Variants in VAV1 observed in about 807,000 individuals in gnomAD.
VAV1 encodes proto-oncogene vav.
A neutral mutation model predicts 128.1 loss-of-function variants in VAV1; 33 were observed. The observed-to-expected ratio is 0.26, with a 90% CI of 0.20 to 0.34. VAV1 has a LOEUF of 0.34. Ranked by LOEUF, VAV1 falls within the 10% of genes least tolerant of loss-of-function variation. VAV1 has a pLI of 1.00. For missense variants in VAV1, 715 were observed against 1,093.7 expected (o/e 0.65, Z 4.88); for synonymous variants, 394 against 409.8 (o/e 0.96, Z 0.47).
chr19:6,805,786 A>G (rs1417826851), intron 1 of VAV1, among the ~76,000 whole-genome samples: 1 of 151,980 alleles, frequency 6.6e-6, no homozygotes, highest in Admixed American at 6.6e-5. Flanking sequence ...AATATTATAT[A>G]TAGTAATATT....
intron 1 of VAV1, among the ~76,000 whole-genome samples, chr19:6,818,045 C>A (rs1289050507): frequency 6.6e-6 from 1 of 152,184 alleles, no homozygotes; most frequent in South Asian, 2.1e-4. Flanking sequence ...ATTTTGAACA[C>A]CTAGGCTCAA....
At chr19:6,787,573 G>GATTTATATATTT (rs1970921634) in intron 1 of VAV1, among the ~76,000 whole-genome samples, 2 of 147,090 alleles carry the variant, frequency 1.4e-5, no homozygotes, top group Non-Finnish European at 3.0e-5. Context: ...AACTACTCCA[G>GATTTATATATTT]ATTTATTTAT....
In VAV1 at chr19:6,821,604, G is replaced by A; in HGVS notation, c.322-18G>A. The A allele has an allele frequency of 6.2e-7, 1 of 1,613,934 alleles. No individual in the cohort carries two copies. The highest frequency in any genetic ancestry group is 8.5e-7 in the Non-Finnish European group (1 of 1,179,956). On this transcript the variant is annotated intron_variant, in intron 2 of 26. Coordinates refer to ENST00000602142, the MANE Select transcript of VAV1 (RefSeq NM_005428.4). Reference sequence around the variant, plus strand: ...GGGTGTACAAGGGGCTCACTGAGTGGCCACTGCCCCGTCACAGGTCATCTA... The same window carrying A: ...GGGTGTACAAGGGGCTCACTGAGTGACCACTGCCCCGTCACAGGTCATCTA...
Position 6,839,912 on chromosome 19 carries a change from G to A in VAV1, c.1980+2862G>A, listed in dbSNP as rs568704277. On this transcript the variant is annotated intron_variant, in intron 21 of 26. Transcript: ENST00000602142. ...TTGCCATGTTGCCCAGGCTGGTTTC[G>A]AACTTCTGGGCCCAAGTGATTCCCC... 3.3e-5 allele frequency among the ~76,000 whole-genome samples: 5 copies of A among 151,664 alleles called. No individual in the cohort carries two copies. In the South Asian group the frequency reaches 8.3e-4, roughly 25 times the overall value.
intron 21 of VAV1, among the ~76,000 whole-genome samples, chr19:6,839,021 G>A (rs751242560): frequency 2.6e-5 from 4 of 151,984 alleles, no homozygotes; most frequent in Non-Finnish European, 4.4e-5. Flanking sequence ...TCCTGCCTTA[G>A]CCTCCTGAGT....
chr19:6,789,581 T>C (rs951460931), intron 1 of VAV1, among the ~76,000 whole-genome samples: 2 of 151,372 alleles, frequency 1.3e-5, no homozygotes, highest in African/African-American at 4.9e-5. Context: ...TGCTTTCTTT[T>C]CTTTTCTTTC....
intron 1 of VAV1, among the ~76,000 whole-genome samples, chr19:6,789,658 T>C (rs1414595020): frequency 1.3e-5 from 2 of 151,624 alleles, no homozygotes. Flanking sequence ...ACTACAGTGG[T>C]GTGATCTTGG....
In VAV1 at chr19:6,811,671, A is replaced by G. The variant is rs116832713; in HGVS notation, c.205-9031A>G. Among the ~76,000 whole-genome samples, 1,038 of 152,280 alleles carry G rather than the reference A, an allele frequency of 6.8e-3. 10 individuals carry two copies. Among genetic ancestry groups the G allele is most frequent in the African/African-American group, 0.024 (982 of 41,546 alleles). ...CAGTCCTTTATTCATCTCCCTGCAT[A>G]TAATTACTGTAAGAATCGGCAAGAG... On this transcript the variant is annotated intron_variant, in intron 1 of 26. Coordinates refer to ENST00000602142, the MANE Select transcript of VAV1 (RefSeq NM_005428.4).
At chr19:6,791,673 G>T (rs975009474) in intron 1 of VAV1, among the ~76,000 whole-genome samples, 1 of 152,108 alleles carries the variant, frequency 6.6e-6, no homozygotes, top group Non-Finnish European at 1.5e-5. Flanking sequence ...CTTTAGAGGG[G>T]GCCAGACCCA....
chr19:6,830,182 C>T, intron 14 of VAV1, among the ~76,000 whole-genome samples: 1 of 152,184 alleles, frequency 6.6e-6, no homozygotes, highest in East Asian at 1.9e-4. Flanking sequence ...GCTCAGTCTC[C>T]CGAGTAGCTG....
chr19:6,819,499 A>T (rs2144765720), intron 1 of VAV1, among the ~76,000 whole-genome samples: 1 of 152,352 alleles, frequency 6.6e-6, no homozygotes, highest in Admixed American at 6.5e-5. Flanking sequence ...TTCACTGAGC[A>T]TGTTTTTAAG....
At chr19:6,824,946 G>T in intron 6 of VAV1, 107 bp from the exon 7 acceptor site, 1 of 1,182,492 alleles carries the variant, frequency 8.5e-7, no homozygotes, top group South Asian at 1.2e-5. Context: ...GTGTGGACGC[G>T]CTGCCTCTCT....
At chr19:6,830,389 C>A (rs989873702) in intron 14 of VAV1, among the ~76,000 whole-genome samples, 1 of 152,004 alleles carries the variant, frequency 6.6e-6, no homozygotes, top group African/African-American at 2.4e-5. Flanking sequence ...CCAGGGCACT[C>A]TTCTAGGCAC....
In VAV1 at chr19:6,844,063, C is replaced by CTTTTTTTTTTTTTTTTTTTTTTTTTTTTT. The variant is rs71177123; in HGVS notation, c.2012+910_2012+938dup. 1.8e-3 allele frequency among the ~76,000 whole-genome samples: 38 copies of CTTTTTTTTTTTTTTTTTTTTTTTTTTTTT among 21,326 alleles called. 12 individuals are homozygous for CTTTTTTTTTTTTTTTTTTTTTTTTTTTTT. Among genetic ancestry groups the CTTTTTTTTTTTTTTTTTTTTTTTTTTTTT allele is most frequent in the African/African-American group, 2.5e-3 (20 of 8,152 alleles). The allele number at this position is 21,326 out of a possible 152,430, so 14.0% of individuals were successfully genotyped here. Reference sequence around the variant, plus strand: ...ACTTTCTTCTTTTCTTCTTCTTCTTCTTTTTTTTTTTTTTTTTTTTTTTTT... The same window carrying CTTTTTTTTTTTTTTTTTTTTTTTTTTTTT: ...ACTTTCTTCTTTTCTTCTTCTTCTTCTTTTTTTTTTTTTTTTTTTTTTTTTTTTTTTTTTTTTTTTTTTTTTTTTTTTTT... On this transcript the variant is annotated intron_variant, in intron 22 of 26. Transcript: ENST00000602142.
intron 1 of VAV1, among the ~76,000 whole-genome samples, chr19:6,804,940 G>T (rs527495754): frequency 6.6e-6 from 1 of 150,962 alleles, no homozygotes; most frequent in Non-Finnish European, 1.5e-5. Context: ...AGCCAGGATG[G>T]TCTCGATTGC....
intron 19 of VAV1, among the ~76,000 whole-genome samples, chr19:6,834,636 T>C (rs939808875): frequency 1.6e-4 from 23 of 146,624 alleles, no homozygotes; most frequent in Middle Eastern, 3.3e-3. Context: ...TATAATATAG[T>C]AATAATATAT....
chr19:6,796,047 A>T (rs1971126107), intron 1 of VAV1, among the ~76,000 whole-genome samples: 1 of 152,154 alleles, frequency 6.6e-6, no homozygotes, highest in African/African-American at 2.4e-5. Flanking sequence ...AGCTACCAGG[A>T]CATGACGAAT....
intron 15 of VAV1, 142 bp downstream of exon 15, chr19:6,832,342 AC>A (rs1196964830): frequency 1.3e-6 from 1 of 777,360 alleles, no homozygotes; most frequent in East Asian, 2.7e-5. Flanking sequence ...AATAAGAGGG[AC>A]AGGCCCAAGG....
rs1002823385 is a variant in VAV1, at chr19:6,774,427, C to CTTTTTTTTTTTTTTT, written c.204+1427_204+1441dup. On this transcript the variant is annotated intron_variant, in intron 1 of 26. Transcript: ENST00000602142. ...ACAGGTGTGAGCCACCGCGCCCAGC[C>CTTTTTTTTTTTTTTT]TTTTTTTTTTTTTTTTTTTTTTTTT... 2.0e-4 allele frequency among the ~76,000 whole-genome samples: 18 copies of CTTTTTTTTTTTTTTT among 91,566 alleles called. 1 individual carries two copies. The highest frequency in any genetic ancestry group is 1.0e-3 in the African/African-American group (18 of 17,794). 60.1% of individuals were successfully genotyped at this position (91,566 alleles called of 152,430 possible). A position where few individuals can be genotyped will look rare whatever the true frequency, so the allele number is the denominator to read the frequency against.
Sources: allele counts gnomAD v4.1 joint callset (sites outside exome capture counted in the v4.1 genomes callset), GRCh38; gene constraint gnomAD v4.1.1; transcripts MANE v1.5; gene names NCBI Gene and HGNC (gene_info 2026-07-23, HGNC 2026-07-21).